The following ZNF721 variants were observed in gnomAD, a reference collection of about 807,000 sequenced individuals.
The protein encoded by ZNF721 is zinc finger protein 721.
Under a neutral mutation model 2.4 loss-of-function variants are expected in ZNF721, and 2 were observed. The ratio of observed to expected loss-of-function variants is 0.82; its 90% CI spans 0.34 to 2.58. The LOEUF is 2.58. Among genes scored for constraint, ZNF721 ranks in the 30% most tolerant of loss-of-function variants. The pLI is 0.11. For missense variants in ZNF721, 1,187 were observed against 1,085.5 expected (o/e 1.09, Z -1.31); for synonymous variants, 398 against 381.8 (o/e 1.04, Z -0.50).
rs782109285 is a variant in ZNF721, at chr4:442,413, T to C, written c.2054A>G (p.Asn685Ser). The C allele has an allele frequency of 1.2e-6, 2 of 1,613,750 alleles. No homozygotes were observed. The highest frequency in any genetic ancestry group is 2.2e-5 in the East Asian group (1 of 44,872). Reference sequence around the variant, plus strand: ...TCCAGTATGAATTTTCTTGTGTTGATTCAGGGCTATGGACCATCCAAAGGC... The same window carrying C: ...TCCAGTATGAATTTTCTTGTGTTGACTCAGGGCTATGGACCATCCAAAGGC... Reference protein sequence around the residue: ...GKAFGWSIALNQHKKIHTGEK... With the variant: ...GKAFGWSIALSQHKKIHTGEK... Residue 685 changes from asparagine to serine, a missense_variant, in exon 3 of 3, where the codon AAT (asparagine) becomes AGT (serine). Physicochemically the swap from Asn to Ser is conservative, Grantham distance 46. Transcript: ENST00000511833.
At chr4:491,998 A>T (rs185845892) in intron 1 of ZNF721, among the ~76,000 whole-genome samples, 161 of 151,870 alleles carry the variant, frequency 1.1e-3, no homozygotes, top group East Asian at 5.2e-3. Flanking sequence ...ACTAAAAAAA[A>T]AAAAATACAA....
chr4:443,420 G>T lies in ZNF721; in HGVS notation c.1047C>A (p.Tyr349Ter), dbSNP rs537341982. Reference protein sequence around the residue: ...GKTFRQSANLYVHRRIHTGEK... With the variant: ...GKTFRQSANL ...CTCCAGTATGAATTCTCCTATGTAC[G>T]TAAAGGTTTGCGGACTGTCTAAAGG... Residue 349 changes from tyrosine to a stop codon, truncating the protein, a stop_gained, in exon 3 of 3, where the codon TAC (tyrosine) becomes TAA (stop). Coordinates refer to ENST00000511833, the MANE Select transcript of ZNF721 (RefSeq NM_133474.4). LOFTEE classifies it low-confidence loss of function (END_TRUNC). The T allele has an allele frequency of 1.2e-6, 2 of 1,608,250 alleles. No homozygotes were observed. The highest frequency in any genetic ancestry group is 2.2e-5 in the South Asian group (2 of 90,690).
chr4:489,960 A>G (rs1265196272), intron 1 of ZNF721, among the ~76,000 whole-genome samples: 2 of 152,030 alleles, frequency 1.3e-5, no homozygotes, highest in Non-Finnish European at 2.9e-5. Flanking sequence ...CCAGGATTCA[A>G]GCAATTCTCC....
rs575169597 is a variant in ZNF721, at chr4:487,101, T to C, written c.-94+11955A>G. 6.6e-5 allele frequency among the ~76,000 whole-genome samples: 10 copies of C among 152,314 alleles called. No individual in the cohort carries two copies. The South Asian group carries it at 1.2e-3, about 19-fold the overall frequency. On this transcript the variant is annotated intron_variant, in intron 1 of 2. Coordinates refer to ENST00000511833, the MANE Select transcript of ZNF721 (RefSeq NM_133474.4). ...CAAGACACATCTACAAGAAAAGTCA[T>C]GATAAAATTGATTGCAAAAACAGCA...
chr4:451,787 A>G (rs1173702693), intron 2 of ZNF721, among the ~76,000 whole-genome samples: 1 of 152,108 alleles, frequency 6.6e-6, no homozygotes, highest in Non-Finnish European at 1.5e-5. Context: ...AAAACGTGCC[A>G]TTTTTCAGCC....
At chr4:485,448 T>C (rs1475102796) in intron 1 of ZNF721, among the ~76,000 whole-genome samples, 1 of 151,384 alleles carries the variant, frequency 6.6e-6, no homozygotes, top group Non-Finnish European at 1.5e-5. Flanking sequence ...AAACAAGCAG[T>C]AGAGGTGAGT....
At chr4:496,388 G>C (rs1318146163) in intron 1 of ZNF721, among the ~76,000 whole-genome samples, 1 of 151,060 alleles carries the variant, frequency 6.6e-6, no homozygotes, top group South Asian at 2.1e-4. Context: ...ATATGCACCT[G>C]CCAGCTGAGA....
At chr4:490,219 G>A (rs1241126894) in intron 1 of ZNF721, among the ~76,000 whole-genome samples, 1 of 151,752 alleles carries the variant, frequency 6.6e-6, no homozygotes, top group Non-Finnish European at 1.5e-5. Flanking sequence ...GCTCACGCCT[G>A]TAATCCCAGC....
At chr4:474,123 C>T (rs1252526941) in intron 1 of ZNF721, 1 of 1,068,124 alleles carries the variant, frequency 9.4e-7, no homozygotes, top group South Asian at 1.3e-5. Context: ...AGGCCCTAAC[C>T]GAGCTCAGGC....
intron 1 of ZNF721, among the ~76,000 whole-genome samples, chr4:476,057 C>A (rs1157650472): frequency 6.6e-6 from 1 of 152,146 alleles, no homozygotes; most frequent in Non-Finnish European, 1.5e-5. Context: ...TCTCTGGGCC[C>A]TTTAAATATT....
Position 463,829 on chromosome 4 carries a change from C to T in ZNF721, c.34+8746G>A, listed in dbSNP as rs1015265623. On this transcript the variant is annotated intron_variant, in intron 2 of 2. Coordinates refer to ENST00000511833, the MANE Select transcript of ZNF721 (RefSeq NM_133474.4). ...GTAGATGACGGGTTGATGGGTGCAG[C>T]AAACCACCATGGCATGTGTATACCT... 4.6e-5 allele frequency among the ~76,000 whole-genome samples: 7 copies of T among 152,114 alleles called. No homozygotes were observed. The South Asian group carries it at 1.5e-3, about 32-fold the overall frequency.
At chr4:450,502 C>T (rs185871064) in intron 2 of ZNF721, among the ~76,000 whole-genome samples, 9 of 151,978 alleles carry the variant, frequency 5.9e-5, no homozygotes, top group Non-Finnish European at 1.0e-4. Flanking sequence ...CAACTAGTCT[C>T]GGCAATCAGT....
At chr4:459,062 A>AT (rs1714936421) in intron 2 of ZNF721, among the ~76,000 whole-genome samples, 1 of 152,234 alleles carries the variant, frequency 6.6e-6, no homozygotes, top group Non-Finnish European at 1.5e-5. Context: ...ACCAAGCTTC[A>AT]TAAGCGAAGG....
chr4:465,773 T>C (rs534470266), intron 2 of ZNF721, among the ~76,000 whole-genome samples: 1 of 150,268 alleles, frequency 6.7e-6, no homozygotes, highest in Admixed American at 6.6e-5. Flanking sequence ...TTATGTCTCT[T>C]GGAAATTACA....
In ZNF721 at chr4:443,222, T is replaced by C; in HGVS notation, c.1245A>G (p.Lys415=). Residue 415 remains lysine (K), a synonymous_variant, in exon 3 of 3, where the codon AAA becomes AAG. Transcript: ENST00000511833. ...TGCCACGATCTTCACATGTGTAGGG[T>C]TTCTCTCTGGTGTGAATTCTCTTAT... The part of the protein sequence containing the change: ...TAHKRIHTRE[K]PYTCEDRGRA... The C allele has an allele frequency of 6.2e-7, 1 of 1,613,944 alleles. No homozygotes were observed. Among genetic ancestry groups the C allele is most frequent in the Non-Finnish European group, 8.5e-7 (1 of 1,179,924 alleles).
At chr4:488,979 C>G (rs60701142) in intron 1 of ZNF721, among the ~76,000 whole-genome samples, 2 of 152,070 alleles carry the variant, frequency 1.3e-5, no homozygotes, top group Admixed American at 1.3e-4. Flanking sequence ...CAGTAGCTAG[C>G]GGGAAGAAAT....
At chr4:491,833 A>C (rs1716028746) in intron 1 of ZNF721, among the ~76,000 whole-genome samples, 1 of 152,090 alleles carries the variant, frequency 6.6e-6, no homozygotes, top group Admixed American at 6.6e-5. Context: ...ACATACAGAA[A>C]GATAAACGGA....
intron 2 of ZNF721, among the ~76,000 whole-genome samples, chr4:447,844 C>T (rs984840447): frequency 1.3e-5 from 2 of 151,672 alleles, no homozygotes; most frequent in African/African-American, 2.4e-5. Flanking sequence ...GGGAACTCAA[C>T]GACAAATGTG....
intron 2 of ZNF721, among the ~76,000 whole-genome samples, chr4:472,017 C>T (rs1052276306): frequency 4.6e-5 from 7 of 152,180 alleles, no homozygotes. Flanking sequence ...ATATACCAAA[C>T]ATAACTCGTT....
Sources: allele counts gnomAD v4.1 joint callset (sites outside exome capture counted in the v4.1 genomes callset), GRCh38; gene constraint gnomAD v4.1.1; transcripts MANE v1.5; gene names NCBI Gene and HGNC (gene_info 2026-07-23, HGNC 2026-07-21).